Variants in TPR observed in about 807,000 individuals in gnomAD.
The protein encoded by TPR is nucleoprotein TPR.
In TPR, 51 loss-of-function variants were observed where a neutral mutation model predicts 316.1. The observed-to-expected ratio is 0.16, with a 90% confidence interval of 0.13 to 0.20. The LOEUF (loss-of-function observed/expected upper bound fraction) is 0.20, where lower values mean the gene tolerates loss of function less well. TPR is among the 10% of genes least tolerant of loss of function. The pLI is 1.00. For missense variants in TPR, 2,272 were observed against 2,754.8 expected, an observed-to-expected ratio of 0.82 and a Z score of 3.92; for synonymous variants, 981 against 914.7, an observed-to-expected ratio of 1.07 and a Z score of -1.31.
intron 49 of TPR, among the ~76,000 whole-genome samples, chr1:186,315,217 CA>C (rs1204501907): frequency 7.7e-6 from 1 of 129,962 alleles, no homozygotes; most frequent in African/African-American, 3.4e-5. Context: ...AAAAAAAAAA[CA>C]AACAAACAAA....
Position 186,312,041 on chromosome 1 carries a change from TTATTAA to T in TPR, c.*1924_*1929del. ...TTATAATACCCTTGACTAATAGCCA[TTATTAA>T]TATCAATATATTATATGAAAAATGA... On this transcript the variant is annotated 3_prime_UTR_variant, in exon 51 of 51. Coordinates refer to ENST00000367478, the MANE Select transcript of TPR (RefSeq NM_003292.3). 2 of 686,650 alleles carry T rather than the reference TTATTAA, an allele frequency of 2.9e-6. No individual in the cohort carries two copies. The highest frequency in any genetic ancestry group is 2.4e-6 in the Non-Finnish European group (1 of 409,658). 42.5% of individuals were successfully genotyped at this position (686,650 alleles called of 1,614,324 possible). A position where few individuals can be genotyped will look rare whatever the true frequency, so the allele number is the denominator to read the frequency against.
rs773078759 is a variant in TPR at position 186,314,702 on chromosome 1, C to T, written c.6963G>A (p.Lys2321=). Reference sequence around the variant, plus strand: ...TCTGAAGTCTTACTCGTCTGAAAGGCTTTGGTTGACTACTACTAGTATCTA... The same window carrying T: ...TCTGAAGTCTTACTCGTCTGAAAGGTTTTGGTTGACTACTACTAGTATCTA... ...SSVDTSSSQP[K]PFRRVRLQTT... Residue 2321 remains lysine, a synonymous_variant, in exon 50 of 51, where the codon AAG becomes AAA. Transcript: ENST00000367478. 1.9e-6 allele frequency: 3 copies of T among 1,612,028 alleles called. No homozygotes were observed. Among genetic ancestry groups the T allele is most frequent in the Non-Finnish European group, 2.5e-6 (3 of 1,178,886 alleles).
At chr1:186,364,016 T>C (rs959845409) in intron 4 of TPR, among the ~76,000 whole-genome samples, 1 of 152,212 alleles carries the variant, frequency 6.6e-6, no homozygotes, top group Non-Finnish European at 1.5e-5. Flanking sequence ...CTGTATAGAA[T>C]GCTGTGTGAC....
chr1:186,364,872 T>A (rs941640668), intron 4 of TPR, among the ~76,000 whole-genome samples: 1 of 152,130 alleles, frequency 6.6e-6, no homozygotes, highest in Non-Finnish European at 1.5e-5. Flanking sequence ...CAGGAAGGGA[T>A]AGGCTAACTC....
rs1658400090 is a variant in TPR, at chr1:186,338,299, T to C, written c.4152-56A>G. ...AAATATATGAGACATTTTTCAAAGT[T>C]TGAAGTCCAATGTAACTTTATGTTA... On this transcript the variant is annotated intron_variant, in intron 30 of 50. Transcript: ENST00000367478. 50 of 1,443,542 alleles carry C rather than the reference T, an allele frequency of 3.5e-5. No individual in the cohort carries two copies. The South Asian group carries it at 3.6e-4, about 10-fold the overall frequency. 89.4% of individuals were successfully genotyped at this position (1,443,542 alleles called of 1,614,324 possible).
At chr1:186,362,117 T>C (rs1371024453) in intron 7 of TPR, among the ~76,000 whole-genome samples, 171 bp downstream of exon 7, 1 of 151,990 alleles carries the variant, frequency 6.6e-6, no homozygotes, top group Non-Finnish European at 1.5e-5. Flanking sequence ...CAATATAACA[T>C]ATAATTGCTA....
chr1:186,314,423 A>G (rs1268905112), intron 50 of TPR: 1 of 381,452 alleles, frequency 2.6e-6, no homozygotes, highest in East Asian at 4.3e-5. Flanking sequence ...ATAAAATATA[A>G]GCACATATTT....
At chr1:186,328,872 A>G (rs1322768573) in intron 39 of TPR, among the ~76,000 whole-genome samples, 2 of 152,212 alleles carry the variant, frequency 1.3e-5, no homozygotes, top group Non-Finnish European at 2.9e-5. Context: ...TTTACTATCA[A>G]AAGTTAAATG....
chr1:186,366,438 T>C (rs564480967), intron 4 of TPR, among the ~76,000 whole-genome samples: 3 of 152,296 alleles, frequency 2.0e-5, no homozygotes, highest in South Asian at 2.1e-4. Context: ...CAATCTACTG[T>C]GTATGTTATT....
At chr1:186,357,139 G>A (rs1659052635) in intron 14 of TPR, among the ~76,000 whole-genome samples, 2 of 151,988 alleles carry the variant, frequency 1.3e-5, no homozygotes, top group Admixed American at 1.3e-4. Flanking sequence ...CAAACTCCTG[G>A]ACTCAAGTGA....
chr1:186,327,008 T>C (rs1381068299), intron 40 of TPR, among the ~76,000 whole-genome samples: 2 of 81,768 alleles, frequency 2.4e-5, no homozygotes, highest in Non-Finnish European at 4.5e-5. Context: ...ATATATTAAA[T>C]ATATAATATA....
chr1:186,348,925 TACTAGATAATTATAC>T (rs1044564177), intron 21 of TPR, among the ~76,000 whole-genome samples: 4 of 152,190 alleles, frequency 2.6e-5, no homozygotes, highest in African/African-American at 9.7e-5. Context: ...TATAATTATC[TACTAGATAATTATAC>T]ACCCATTATT....
chr1:186,360,608 G>A (rs1005172771), intron 10 of TPR, among the ~76,000 whole-genome samples, 157 bp downstream of exon 10: 1 of 152,026 alleles, frequency 6.6e-6, no homozygotes, highest in Non-Finnish European at 1.5e-5. Context: ...AAAGATACAG[G>A]TAAGAGTATT....
At chr1:186,339,167 T>C (rs1306541337) in intron 30 of TPR, among the ~76,000 whole-genome samples, 1 of 152,110 alleles carries the variant, frequency 6.6e-6, no homozygotes, top group African/African-American at 2.4e-5. Context: ...TGATGGCTCA[T>C]GCCTGTAATC....
chr1:186,318,946 G>A (rs1054794681), intron 46 of TPR, 118 bp from the exon 47 acceptor site: 19 of 908,686 alleles, frequency 2.1e-5, no homozygotes, highest in South Asian at 2.0e-4. Flanking sequence ...TAAAGTCCAC[G>A]ATTTAATTAT....
intron 33 of TPR, among the ~76,000 whole-genome samples, chr1:186,336,162 T>G (rs751408111): frequency 5.5e-4 from 83 of 152,040 alleles, no homozygotes; most frequent in Non-Finnish European, 8.5e-4. Flanking sequence ...CTTTATGCAG[T>G]CTACATAAGG....
chr1:186,362,987 G>A lies in TPR; in HGVS notation c.546C>T (p.Arg182=). The part of the protein sequence containing the change: ...SDVSVKYREK[R]LEQEKELLHS... ...GTAGCAATTCCTTTTCTTGCTCCAA[G>A]CGTTTTTCTCGATACTAAAGAAATC... Residue 182 remains arginine, a synonymous_variant, in exon 6 of 51, where the codon CGC becomes CGT. Coordinates refer to ENST00000367478, the MANE Select transcript of TPR (RefSeq NM_003292.3). 1 of 1,601,218 alleles carries A rather than the reference G, an allele frequency of 6.2e-7. No individual in the cohort carries two copies.
At chr1:186,314,357 A>G (rs189427371) in intron 50 of TPR, 11 of 364,362 alleles carry the variant, frequency 3.0e-5, no homozygotes, top group African/African-American at 6.3e-5. Flanking sequence ...ATATAACACT[A>G]TAACACTTCA....
At position 186,335,213 on chromosome 1, in the gene TPR, AT is replaced by A. The variant is rs528978836; in HGVS notation, c.4912-85del. On this transcript the variant is annotated intron_variant, in intron 34 of 50. Transcript: ENST00000367478. ...CACAAAAAAATTGTCATTATTGTTA[AT>A]TCTCTCCGCATATATTGAATTTTAG... 5.1e-5 allele frequency: 79 copies of A among 1,553,488 alleles called. No homozygotes were observed. The African/African-American group carries it at 1.0e-3, about 21-fold the overall frequency.
Sources: gnomAD v4.1 joint callset for allele counts (sites outside exome capture counted in the v4.1 genomes callset) on GRCh38, gnomAD v4.1.1 for gene constraint, MANE v1.5 for transcripts, NCBI Gene and HGNC (gene_info 2026-07-23, HGNC 2026-07-21) for gene names.